LYPLAL1: variants seen among roughly 807,000 people sequenced by gnomAD.
LYPLAL1 encodes the protein lysophospholipase like 1, also known as lysophospholipase-like protein 1.
LYPLAL1 carries 23 observed loss-of-function variants against 19.7 expected under a neutral mutation model. The observed-to-expected ratio is 1.17, with a 90% CI of 0.84 to 1.65. The LOEUF (loss-of-function observed/expected upper bound fraction) is 1.65, where lower values mean the gene tolerates loss of function less well. LYPLAL1 is among the 40% of genes most tolerant of loss of function. The pLI is 0.00. For missense variants in LYPLAL1, 355 were observed against 279.4 expected (o/e 1.27, Z -1.93); for synonymous variants, 119 against 96.3 (o/e 1.24, Z -1.38).
chr1:219,392,957 A>G, the LYPLAL1 span, among the ~76,000 whole-genome samples: 2 of 152,188 alleles, frequency 1.3e-5, no homozygotes, highest in Admixed American at 1.3e-4. Context: ...ATAAAATAAG[A>G]ATGTCCTCAG....
intron 3 of LYPLAL1, among the ~76,000 whole-genome samples, chr1:219,202,698 A>G (rs1192426747): frequency 5.9e-5 from 9 of 152,022 alleles, no homozygotes. Context: ...TTTTTTTTGA[A>G]ACAGGGTCTT....
the LYPLAL1 span, among the ~76,000 whole-genome samples, chr1:219,286,433 A>AATAG: frequency 3.9e-5 from 6 of 152,340 alleles, no homozygotes; most frequent in Admixed American, 3.3e-4. Flanking sequence ...ATTTCATAGC[A>AATAG]ATAGCTATCC....
chr1:219,315,576 T>A, the LYPLAL1 span, among the ~76,000 whole-genome samples: 1 of 152,190 alleles, frequency 6.6e-6, no homozygotes. Context: ...AAAAAAGTTC[T>A]TGGTAAAATA....
At chr1:219,332,703 G>C in the LYPLAL1 span, among the ~76,000 whole-genome samples, 1 of 149,956 alleles carries the variant, frequency 6.7e-6, no homozygotes, top group Non-Finnish European at 1.5e-5. Context: ...TACTGCATGA[G>C]TTTGGAGAAG....
chr1:219,389,582 C>T, the LYPLAL1 span, among the ~76,000 whole-genome samples: 1 of 152,108 alleles, frequency 6.6e-6, no homozygotes, highest in Non-Finnish European at 1.5e-5. Flanking sequence ...GGCTATTTGC[C>T]AAAGTAATCG....
chr1:219,314,879 G>A, the LYPLAL1 span, among the ~76,000 whole-genome samples: 2 of 152,182 alleles, frequency 1.3e-5, no homozygotes, highest in East Asian at 3.8e-4. Context: ...AAATACCACA[G>A]GTGATTCTGA....
At chr1:219,374,658 A>C in the LYPLAL1 span, among the ~76,000 whole-genome samples, 1 of 152,188 alleles carries the variant, frequency 6.6e-6, no homozygotes, top group African/African-American at 2.4e-5. Flanking sequence ...ATTGATTTGC[A>C]TCTCATTGTT....
chr1:219,187,977 GT>G (rs1656859968), intron 2 of LYPLAL1, among the ~76,000 whole-genome samples: 1 of 151,750 alleles, frequency 6.6e-6, no homozygotes, highest in Non-Finnish European at 1.5e-5. Context: ...AAAATGGACT[GT>G]TTTCTACAAA....
the LYPLAL1 span, among the ~76,000 whole-genome samples, chr1:219,354,782 G>A: frequency 3.3e-5 from 5 of 151,846 alleles, no homozygotes; most frequent in Non-Finnish European, 7.4e-5. Context: ...TTCAGGCTAA[G>A]GAAACCAATT....
At chr1:219,368,238 T>G in the LYPLAL1 span, among the ~76,000 whole-genome samples, 1 of 152,308 alleles carries the variant, frequency 6.6e-6, no homozygotes, top group Admixed American at 6.5e-5. Flanking sequence ...TACCTTTCTG[T>G]GCTCTCATTT....
At chr1:219,201,269 A>C (rs933749980) in intron 3 of LYPLAL1, among the ~76,000 whole-genome samples, 2 of 151,754 alleles carry the variant, frequency 1.3e-5, no homozygotes, top group Admixed American at 1.3e-4. Flanking sequence ...AAGTTTTCTC[A>C]TTAGAACGTG....
At chr1:219,357,412 G>T in the LYPLAL1 span, among the ~76,000 whole-genome samples, 1 of 151,844 alleles carries the variant, frequency 6.6e-6, no homozygotes, top group Non-Finnish European at 1.5e-5. Context: ...AAAAACAAAA[G>T]AAATATATGG....
chr1:219,183,410 A>C (rs1656455887), intron 2 of LYPLAL1, among the ~76,000 whole-genome samples: 1 of 152,064 alleles, frequency 6.6e-6, no homozygotes, highest in African/African-American at 2.4e-5. Flanking sequence ...CATCTTGTGG[A>C]CATAAGTTCT....
downstream of LYPLAL1, among the ~76,000 whole-genome samples, chr1:219,214,780 C>T (rs116707243): frequency 9.6e-3 from 1,448 of 151,290 alleles, 26 homozygotes; most frequent in African/African-American, 0.033. Flanking sequence ...AACTCCACCT[C>T]CTGGGTTCAA....
chr1:219,216,533 G>A (rs1041709674), downstream of LYPLAL1, among the ~76,000 whole-genome samples: 2 of 152,090 alleles, frequency 1.3e-5, no homozygotes, highest in African/African-American at 4.8e-5. Flanking sequence ...ATATGATACT[G>A]TCTGGATTGT....
At chr1:219,284,234 T>C in the LYPLAL1 span, among the ~76,000 whole-genome samples, 1 of 152,220 alleles carries the variant, frequency 6.6e-6, no homozygotes, top group African/African-American at 2.4e-5. Context: ...CTCTATAAAT[T>C]ACCAGTCTTG....
At chr1:219,300,768 C>A in the LYPLAL1 span, among the ~76,000 whole-genome samples, 1 of 151,822 alleles carries the variant, frequency 6.6e-6, no homozygotes, top group Non-Finnish European at 1.5e-5. Flanking sequence ...ATCTCCTGAC[C>A]TCGGGATCCG....
the LYPLAL1 span, among the ~76,000 whole-genome samples, chr1:219,319,236 GGACA>G: frequency 6.6e-6 from 1 of 152,168 alleles, no homozygotes; most frequent in Non-Finnish European, 1.5e-5. Flanking sequence ...AGACTTCTGA[GGACA>G]GAGCTTGTGT....
the LYPLAL1 span, among the ~76,000 whole-genome samples, chr1:219,223,475 C>G: frequency 1.3e-5 from 2 of 152,028 alleles, no homozygotes; most frequent in East Asian, 3.9e-4. Context: ...ATTGAGTGGA[C>G]TTTTCAAAAA....
Sources: gnomAD v4.1 joint callset for allele counts (sites outside exome capture counted in the v4.1 genomes callset) on GRCh38, gnomAD v4.1.1 for gene constraint, MANE v1.5 for transcripts, NCBI Gene and HGNC (gene_info 2026-07-23, HGNC 2026-07-21) for gene names.